The following DHX29 variants were observed in gnomAD, a reference collection of about 807,000 sequenced individuals.
The protein encoded by DHX29 is DExH-box helicase 29.
DHX29 carries 79 observed loss-of-function variants against 167.9 expected under a neutral mutation model. That is an observed-to-expected ratio of 0.47 (90% CI 0.39 to 0.57). DHX29 has a LOEUF of 0.57. Ranked by LOEUF, DHX29 falls within the 20% of genes least tolerant of loss-of-function variation. The pLI is 0.00. For synonymous variants in DHX29, 530 were observed against 546.0 expected (o/e 0.97, Z 0.41); for missense variants, 1,347 against 1,593.4 (o/e 0.85, Z 2.63).
rs1449968002 is a variant in DHX29, at chr5:55,307,684, C to T, written c.-111G>A. On this transcript the variant is annotated 5_prime_UTR_variant, in exon 1 of 27. Transcript: ENST00000251636. ...CGGGGCTGCCACCCTGCGCTTCGAT[C>T]CGGGCTTCTCGGGCCGGGGCGACCG... 1 of 1,413,164 alleles carries T rather than the reference C, an allele frequency of 7.1e-7. No homozygotes were observed. The highest frequency in any genetic ancestry group is 9.6e-7 in the Non-Finnish European group (1 of 1,039,516). The allele number at this position is 1,413,164 out of a possible 1,614,324, so 87.5% of individuals were successfully genotyped here. A position where few individuals can be genotyped will look rare whatever the true frequency, so the allele number is the denominator to read the frequency against.
At position 55,262,969 on chromosome 5, in the gene DHX29, T is replaced by C. The variant is rs1312942607; in HGVS notation, c.3526-37A>G. On this transcript the variant is annotated intron_variant, in intron 23 of 26. Transcript: ENST00000251636. ...TATGTTAAAAACACAAATAATCAAA[T>C]TGATTAGAGGAATTTCCAAATAACA... 4 of 1,462,120 alleles carry C rather than the reference T, an allele frequency of 2.7e-6. No homozygotes were observed. In the African/African-American group the frequency reaches 4.2e-5, roughly 15 times the overall value. The allele number at this position is 1,462,120 out of a possible 1,614,324, so 90.6% of individuals were successfully genotyped here.
At chr5:55,289,477 G>T in intron 7 of DHX29, 49 bp from the exon 8 acceptor site, 1 of 1,386,912 alleles carries the variant, frequency 7.2e-7, no homozygotes, top group Non-Finnish European at 9.5e-7. Flanking sequence ...TAAAAAAATT[G>T]TTATTTTTTA....
Position 55,298,604 on chromosome 5 carries a change from T to G in DHX29, c.248A>C (p.Lys83Thr), listed in dbSNP as rs1425580290. ...TTTGTTACTTACTTTCAAAATAGAT[T>G]TATCCAGATTTGCAGGACCACTAGA... Reference protein sequence around the residue: ...NDSSGPANLDKSILKVVINNK... With the variant: ...NDSSGPANLDTSILKVVINNK... Residue 83 changes from lysine to threonine, a missense_variant, in exon 2 of 27, where the codon AAA becomes ACA. This residue lies in a region of DHX29 where 405 missense variants were observed against 416.8 expected (regional missense o/e 0.97). Coordinates refer to ENST00000251636, the MANE Select transcript of DHX29 (RefSeq NM_019030.4). The G allele has an allele frequency of 6.5e-7, 1 of 1,548,122 alleles. No individual in the cohort carries two copies. The highest frequency in any genetic ancestry group is 8.9e-7 in the Non-Finnish European group (1 of 1,122,474).
intron 8 of DHX29, among the ~76,000 whole-genome samples, chr5:55,288,317 G>C (rs1158467203): frequency 6.6e-6 from 1 of 151,696 alleles, no homozygotes; most frequent in African/African-American, 2.4e-5. Flanking sequence ...AATATTATCT[G>C]ACAAATACTA....
At chr5:55,289,197 A>AT in intron 8 of DHX29, 73 bp downstream of exon 8, 1 of 1,421,570 alleles carries the variant, frequency 7.0e-7, no homozygotes, top group Non-Finnish European at 9.2e-7. Context: ...AAAGTAACGA[A>AT]TTTTACCATT....
chr5:55,261,001 T>A (rs1462085730), intron 25 of DHX29, among the ~76,000 whole-genome samples: 1 of 152,144 alleles, frequency 6.6e-6, no homozygotes, highest in Non-Finnish European at 1.5e-5. Flanking sequence ...TCCACGTAAA[T>A]CCTGGGAAAA....
intron 13 of DHX29, among the ~76,000 whole-genome samples, chr5:55,276,711 G>A: frequency 6.6e-6 from 1 of 152,084 alleles, no homozygotes; most frequent in East Asian, 1.9e-4. Context: ...TATGTAGAAA[G>A]GAAGCTTCAA....
At chr5:55,258,167 C>T (rs540060298) in intron 26 of DHX29, among the ~76,000 whole-genome samples, 15 of 152,202 alleles carry the variant, frequency 9.9e-5, no homozygotes, top group African/African-American at 3.6e-4. Context: ...AAAAGGACAA[C>T]CAAATTTAAG....
At chr5:55,267,572 T>G (rs560420688) in intron 22 of DHX29, 114 bp downstream of exon 22, 10 of 958,106 alleles carry the variant, frequency 1.0e-5, no homozygotes. Flanking sequence ...ATGAAATAAC[T>G]AAAAATAAAT....
chr5:55,267,050 A>G (rs1746611893), intron 23 of DHX29, 88 bp downstream of exon 23: 1 of 792,284 alleles, frequency 1.3e-6, no homozygotes, highest in South Asian at 1.9e-5. Flanking sequence ...TTACTATGTG[A>G]CAAGTATTTT....
intron 23 of DHX29, among the ~76,000 whole-genome samples, chr5:55,265,949 C>T (rs919674327): frequency 6.6e-6 from 1 of 151,396 alleles, no homozygotes; most frequent in Non-Finnish European, 1.5e-5. Flanking sequence ...ATTAAATAAC[C>T]ACATTTCAGA....
chr5:55,307,680 C>G lies in DHX29; in HGVS notation c.-107G>C. ...GCTCCGGGGCTGCCACCCTGCGCTTCGATCCGGGCTTCTCGGGCCGGGGCG... is the reference window on the plus strand; with the variant it reads ...GCTCCGGGGCTGCCACCCTGCGCTTGGATCCGGGCTTCTCGGGCCGGGGCG... On this transcript the variant is annotated 5_prime_UTR_variant, in exon 1 of 27. Coordinates refer to ENST00000251636, the MANE Select transcript of DHX29 (RefSeq NM_019030.4). The G allele has an allele frequency of 5.6e-6, 8 of 1,432,752 alleles. No homozygotes were observed. In the South Asian group the frequency reaches 6.1e-5, roughly 11 times the overall value. The allele number at this position is 1,432,752 out of a possible 1,614,324, so 88.8% of individuals were successfully genotyped here.
chr5:55,293,143 A>T (rs1284294225), intron 6 of DHX29, among the ~76,000 whole-genome samples: 1 of 152,248 alleles, frequency 6.6e-6, no homozygotes, highest in Admixed American at 6.5e-5. Flanking sequence ...AATTCATCAG[A>T]TTACACATGC....
At chr5:55,285,884 GT>G (rs747915831) in intron 8 of DHX29, 23 bp from the exon 9 acceptor site, 1 of 1,518,446 alleles carries the variant, frequency 6.6e-7, no homozygotes. Context: ...ACAAAGATTG[GT>G]TCTTTAAAAA....
chr5:55,284,458 T>C (rs916417764), intron 10 of DHX29, among the ~76,000 whole-genome samples: 4 of 152,154 alleles, frequency 2.6e-5, no homozygotes, highest in Admixed American at 1.3e-4. Flanking sequence ...ATCAAGCAAA[T>C]AGTTCATAGT....
rs1747664616 is a variant in DHX29 at position 55,285,370 on chromosome 5, T to A, written c.1279A>T (p.Thr427Ser). The A allele has an allele frequency of 6.2e-7, 1 of 1,613,822 alleles. No homozygotes were observed. Among genetic ancestry groups the A allele is most frequent in the Non-Finnish European group, 8.5e-7 (1 of 1,179,970 alleles). ...TGCATGCCATCTTCTGTTAAGATTG[T>A]AGGGCATACTACCAGGACATCATCT... ...SEDDVLVVCP[T>S]ILTEDGMQAQ... is the part of the protein sequence containing the mutation. Residue 427 changes from threonine to serine, a missense_variant, in exon 10 of 27, where the codon ACA (threonine) becomes TCA (serine). Transcript: ENST00000251636.
At chr5:55,299,170 T>A (rs1748477957) in intron 1 of DHX29, among the ~76,000 whole-genome samples, 1 of 152,192 alleles carries the variant, frequency 6.6e-6, no homozygotes, top group Non-Finnish European at 1.5e-5. Context: ...TTTTACCAAT[T>A]AGCATTACTC....
intron 12 of DHX29, among the ~76,000 whole-genome samples, chr5:55,277,645 C>T (rs1747184504): frequency 6.6e-6 from 1 of 152,102 alleles, no homozygotes. Flanking sequence ...GTAGCTCATA[C>T]TTGTAATCCT....
At chr5:55,266,475 A>T (rs1391969562) in intron 23 of DHX29, among the ~76,000 whole-genome samples, 41 of 150,616 alleles carry the variant, frequency 2.7e-4, no homozygotes, top group Non-Finnish European at 1.5e-5. Flanking sequence ...ACACCTGGCT[A>T]ATTTTGTATT....
Sources: allele counts gnomAD v4.1 joint callset (sites outside exome capture counted in the v4.1 genomes callset), GRCh38; gene constraint gnomAD v4.1.1; regional missense constraint gnomAD v4.1.1; transcripts MANE v1.5; gene names NCBI Gene and HGNC (gene_info 2026-07-23, HGNC 2026-07-21).